The following KIAA1328 variants were observed in gnomAD, a reference collection of about 807,000 sequenced individuals.
KIAA1328 encodes the protein KIAA1328, also known as protein hinderin.
Under a neutral mutation model 68.1 loss-of-function variants are expected in KIAA1328, and 52 were observed. The observed-to-expected ratio is 0.76, with a 90% CI of 0.61 to 0.96. The LOEUF is 0.96. KIAA1328 is among the 40% of genes least tolerant of loss of function. The pLI, the probability that KIAA1328 is intolerant of heterozygous loss-of-function variation, is 0.00. For synonymous variants in KIAA1328, 232 were observed against 239.4 expected (o/e 0.97, Z 0.28); for missense variants, 641 against 677.6 (o/e 0.95, Z 0.60).
At chr18:37,169,415 T>C (rs535594935) in intron 8 of KIAA1328, among the ~76,000 whole-genome samples, 1 of 152,236 alleles carries the variant, frequency 6.6e-6, no homozygotes, top group African/African-American at 2.4e-5. Flanking sequence ...TTCACCTGCC[T>C]CGGCCTCCCA....
At chr18:36,835,110 A>C (rs1334913844) in intron 2 of KIAA1328, 124 bp from the exon 3 acceptor site, 1 of 635,424 alleles carries the variant, frequency 1.6e-6, no homozygotes, top group South Asian at 2.8e-5. Context: ...AATTAAGTTT[A>C]TAAAGTAAGA....
intron 9 of KIAA1328, among the ~76,000 whole-genome samples, chr18:37,212,954 A>G (rs1021921457): frequency 1.3e-5 from 2 of 152,106 alleles, no homozygotes; most frequent in African/African-American, 4.8e-5. Context: ...CCTGACATCA[A>G]GTGATCCACC....
In KIAA1328 at chr18:37,060,903, G is replaced by A. The variant is rs1478897540; in HGVS notation, c.577-5987G>A. ...GAGGCCGAGGCAGGTGGATCATGAG[G>A]TCAGGAGATCGAGACCATCCTGGCC... is the stretch of plus-strand genomic sequence containing the variant. On this transcript the variant is annotated intron_variant, in intron 6 of 9. Coordinates refer to ENST00000280020, the MANE Select transcript of KIAA1328 (RefSeq NM_020776.3). Among the ~76,000 whole-genome samples the A allele has an allele frequency of 2.0e-5, 3 of 152,182 alleles. No individual in the cohort carries two copies. The East Asian group carries it at 5.8e-4, about 29-fold the overall frequency.
intron 5 of KIAA1328, among the ~76,000 whole-genome samples, chr18:36,891,808 C>CAA (rs1245096101): frequency 6.6e-6 from 1 of 152,124 alleles, no homozygotes; most frequent in African/African-American, 2.4e-5. Context: ...GCTTGTTTTC[C>CAA]TTTGGGTGGA....
intron 5 of KIAA1328, among the ~76,000 whole-genome samples, chr18:36,895,536 A>T (rs1018824733): frequency 1.4e-4 from 22 of 152,314 alleles, no homozygotes; most frequent in Admixed American, 2.6e-4. Context: ...AATATTTTTT[A>T]AAAATTCTAA....
At chr18:36,930,796 A>T (rs1249388836) in intron 5 of KIAA1328, among the ~76,000 whole-genome samples, 3 of 152,064 alleles carry the variant, frequency 2.0e-5, no homozygotes, top group African/African-American at 4.8e-5. Flanking sequence ...ATTAAATTAG[A>T]TAAAAGTAAT....
Position 37,011,757 on chromosome 18 carries a change from A to G in KIAA1328, c.576+52322A>G, listed in dbSNP as rs1335246259. 3.9e-5 allele frequency among the ~76,000 whole-genome samples: 6 copies of G among 152,292 alleles called. No homozygotes were observed. In the East Asian group the frequency reaches 1.2e-3, roughly 29 times the overall value. On this transcript the variant is annotated intron_variant, in intron 6 of 9. Coordinates refer to ENST00000280020, the MANE Select transcript of KIAA1328 (RefSeq NM_020776.3). ...TATGAATACATTTTTATGACATCCC[A>G]GAAAAGGAAAACTACAGAGACATAA...
chr18:36,885,496 T>G (rs2048466040), intron 4 of KIAA1328, 61 bp from the exon 5 acceptor site: 2 of 933,890 alleles, frequency 2.1e-6, no homozygotes, highest in Admixed American at 3.2e-5. Flanking sequence ...AAACTGCAGC[T>G]GTAGGCACAT....
intron 6 of KIAA1328, among the ~76,000 whole-genome samples, chr18:36,987,601 G>T (rs960210858): frequency 1.8e-4 from 28 of 152,084 alleles, no homozygotes; most frequent in African/African-American, 6.3e-4. Flanking sequence ...AATCTTCAAT[G>T]ATAGAAAGTA....
intron 5 of KIAA1328, among the ~76,000 whole-genome samples, chr18:36,890,517 A>G (rs1447536335): frequency 6.6e-6 from 1 of 152,078 alleles, no homozygotes; most frequent in East Asian, 1.9e-4. Flanking sequence ...CTAAAAATAC[A>G]AAAATTAGCC....
At chr18:37,034,024 A>G (rs1440771705) in intron 6 of KIAA1328, among the ~76,000 whole-genome samples, 2 of 152,176 alleles carry the variant, frequency 1.3e-5, no homozygotes, top group Non-Finnish European at 2.9e-5. Context: ...TCTCCTGGGT[A>G]GATAAGTGTG....
chr18:36,916,720 T>C (rs906261014), intron 5 of KIAA1328, among the ~76,000 whole-genome samples: 1 of 152,302 alleles, frequency 6.6e-6, no homozygotes, highest in Non-Finnish European at 1.5e-5. Context: ...GAAAATTCTT[T>C]CCTGACAGCA....
intron 9 of KIAA1328, among the ~76,000 whole-genome samples, chr18:37,192,522 A>G (rs1199340127): frequency 2.0e-5 from 3 of 152,132 alleles, no homozygotes; most frequent in Non-Finnish European, 4.4e-5. Flanking sequence ...CAAAGCAGGC[A>G]CTTCTTTCTC....
chr18:36,970,485 G>A (rs1002117326), intron 6 of KIAA1328, among the ~76,000 whole-genome samples: 4 of 149,166 alleles, frequency 2.7e-5, no homozygotes, highest in Admixed American at 1.4e-4. Context: ...GAAATAAATG[G>A]TATCCATATA....
chr18:36,986,162 T>G (rs1397444783), intron 6 of KIAA1328, among the ~76,000 whole-genome samples: 3 of 135,392 alleles, frequency 2.2e-5, no homozygotes, highest in Non-Finnish European at 3.4e-5. Flanking sequence ...TCACAGCAGG[T>G]TTTTTTTTTT....
chr18:36,953,241 T>A (rs1330196498), intron 5 of KIAA1328, among the ~76,000 whole-genome samples: 2 of 147,646 alleles, frequency 1.4e-5, no homozygotes, highest in Non-Finnish European at 3.0e-5. Flanking sequence ...ATTATATTTA[T>A]AATATATAGT....
chr18:37,001,964 G>A (rs1315663643), intron 6 of KIAA1328, among the ~76,000 whole-genome samples: 5 of 152,060 alleles, frequency 3.3e-5, no homozygotes, highest in Non-Finnish European at 7.4e-5. Flanking sequence ...ATGCCCACTT[G>A]CAGCACTTTT....
intron 4 of KIAA1328, among the ~76,000 whole-genome samples, chr18:36,881,641 C>T (rs1440026526): frequency 3.9e-5 from 6 of 152,164 alleles, no homozygotes; most frequent in Non-Finnish European, 8.8e-5. Flanking sequence ...CCCAGACAAC[C>T]ACTGCTCTAA....
chr18:37,197,589 G>A (rs2060028001), intron 9 of KIAA1328, among the ~76,000 whole-genome samples: 1 of 152,128 alleles, frequency 6.6e-6, no homozygotes, highest in Non-Finnish European at 1.5e-5. Context: ...TTAATTCAAA[G>A]TCTATAAATT....
Sources: allele counts gnomAD v4.1 joint callset (sites outside exome capture counted in the v4.1 genomes callset), GRCh38; gene constraint gnomAD v4.1.1; transcripts MANE v1.5; gene names NCBI Gene and HGNC (gene_info 2026-07-23, HGNC 2026-07-21).